GOLGA6L22: variants seen among roughly 807,000 people sequenced by gnomAD.
GOLGA6L22 encodes the protein golgin A6 family like 22, also known as golgin subfamily A member 6-like protein 22.
A neutral mutation model predicts 77.1 loss-of-function variants in GOLGA6L22; 28 were observed. That is an observed-to-expected ratio of 0.36 (90% CI 0.27 to 0.50). The LOEUF (loss-of-function observed/expected upper bound fraction) is 0.50. GOLGA6L22 is among the 20% of genes least tolerant of loss of function. GOLGA6L22 has a pLI of 0.97. For missense variants in GOLGA6L22, 250 were observed against 620.4 expected, an observed-to-expected ratio of 0.40 and a Z score of 6.34; for synonymous variants, 62 against 185.3, an observed-to-expected ratio of 0.33 and a Z score of 5.41.
chr15:22,462,034 G>C (rs1183990089), exon 3 of GOLGA6L22: 9 of 1,457,872 alleles, frequency 6.2e-6, no homozygotes, highest in Non-Finnish European at 8.2e-6. Flanking sequence ...CTTTCTATAG[G>C]AACAGAAGGC....
At position 22,465,866 on chromosome 15, in the gene GOLGA6L22, C is replaced by T. The variant is rs28971741; in HGVS notation, c.1474C>T (p.Gln492Ter). The change falls in exon 8 of 9, where the codon CAG becomes TAG. Residue 492 changes from glutamine to a stop codon, truncating the protein, a stop_gained. Coordinates refer to ENST00000622895, the Ensembl canonical transcript of GOLGA6L22. LOFTEE classifies it high-confidence loss of function. ...GGAGCAGGAGGAGAAGATACGGGAG[C>T]AGGAGGAGATGTGGAGGGAGGAAGA... 5 of 1,390,284 alleles carry T rather than the reference C, an allele frequency of 3.6e-6. 1 individual carries two copies. In the Admixed American group the frequency reaches 9.3e-5, roughly 26 times the overall value. The allele number at this position is 1,390,284 out of a possible 1,614,324, so 86.1% of individuals were successfully genotyped here.
At chr15:22,463,234 T>C (rs1887575290) in intron 5 of GOLGA6L22, among the ~76,000 whole-genome samples, 2 of 149,252 alleles carry the variant, frequency 1.3e-5, no homozygotes, top group African/African-American at 5.0e-5. Context: ...CAAGAAAGGT[T>C]CGAACAGTGG....
intron 5 of GOLGA6L22, 135 bp from the exon 6 acceptor site, chr15:22,463,706 A>G: frequency 1.9e-6 from 1 of 525,534 alleles, no homozygotes; most frequent in Non-Finnish European, 3.3e-6. Context: ...GGGCTTGGAA[A>G]TGCCTTGAGA....
In GOLGA6L22 at chr15:22,463,371, G is replaced by T. The variant is rs1448269394; in HGVS notation, c.433-470G>T. Reference sequence around the variant, plus strand: ...TGAGTTCTTTGAAAAACAAATGAGGGCCAGGTGCTCTCGCTCACGCCTGTA... The same window carrying T: ...TGAGTTCTTTGAAAAACAAATGAGGTCCAGGTGCTCTCGCTCACGCCTGTA... On this transcript the variant is annotated intron_variant, in intron 5 of 8. Coordinates refer to ENST00000622895, the Ensembl canonical transcript of GOLGA6L22. 1.7e-4 allele frequency among the ~76,000 whole-genome samples: 24 copies of T among 142,346 alleles called. No individual in the cohort carries two copies. The East Asian group carries it at 3.7e-3, about 22-fold the overall frequency. 93.4% of individuals were successfully genotyped at this position (142,346 alleles called of 152,430 possible).
chr15:22,464,809 A>T (rs1180956338), intron 7 of GOLGA6L22, among the ~76,000 whole-genome samples: 1 of 122,922 alleles, frequency 8.1e-6, no homozygotes. Context: ...CACCACACCC[A>T]GCTAATTTTT....
chr15:22,460,465 TTAACAC>T, intron 1 of GOLGA6L22, among the ~76,000 whole-genome samples: 1 of 55,348 alleles, frequency 1.8e-5, no homozygotes, highest in Non-Finnish European at 3.0e-5. Flanking sequence ...GGTGTACTTT[TTAACAC>T]TAACAGACGT....
intron 5 of GOLGA6L22, among the ~76,000 whole-genome samples, chr15:22,463,342 C>T (rs1474301725): frequency 2.2e-3 from 298 of 136,302 alleles, no homozygotes; most frequent in Middle Eastern, 4.2e-3. Context: ...CCTTCCACAT[C>T]CACTGAGTTC....
chr15:22,468,958 T>C (rs1335489286), exon 9 of GOLGA6L22: 1 of 128,604 alleles, frequency 7.8e-6, no homozygotes, highest in Non-Finnish European at 1.6e-5. Flanking sequence ...ACCCACCTCC[T>C]TTGAAGATAC....
chr15:22,463,505 GC>G (rs1887586384), intron 5 of GOLGA6L22, among the ~76,000 whole-genome samples: 1 of 133,076 alleles, frequency 7.5e-6, no homozygotes, highest in African/African-American at 3.0e-5. Flanking sequence ...TACAAAATTA[GC>G]CCGGTGTGGT....
At chr15:22,463,204 A>G (rs1407452775) in intron 5 of GOLGA6L22, among the ~76,000 whole-genome samples, 1 of 146,672 alleles carries the variant, frequency 6.8e-6, no homozygotes, top group East Asian at 1.9e-4. Context: ...GATTGTTAGC[A>G]TAGTGCCTGG....
At chr15:22,461,752 A>G (rs1276697211) in intron 2 of GOLGA6L22, among the ~76,000 whole-genome samples, 2 of 102,264 alleles carry the variant, frequency 2.0e-5, no homozygotes, top group African/African-American at 1.2e-4. Flanking sequence ...CAGAAACAAT[A>G]GAACCGAGCT....
At chr15:22,464,565 AAG>A (rs1306081983) in intron 7 of GOLGA6L22, among the ~76,000 whole-genome samples, 194 bp downstream of exon 7, 2 of 132,376 alleles carry the variant, frequency 1.5e-5, no homozygotes, top group Admixed American at 1.5e-4. Context: ...TCAGAATCTC[AAG>A]AGTTAGGGCT....
chr15:22,463,017 T>G (rs1437962097), intron 5 of GOLGA6L22, among the ~76,000 whole-genome samples: 1 of 135,524 alleles, frequency 7.4e-6, no homozygotes, highest in Non-Finnish European at 1.6e-5. Context: ...CCTTCTTAAC[T>G]GTGCCCCTAC....
chr15:22,462,000 C>T lies in GOLGA6L22; in HGVS notation c.181-34C>T, dbSNP rs1392474809. ...TCTCTTGCTGTGGATCTCTGCCTAC[C>T]CCTAGTAAGAGCTCTGTTTTCCTCT... On this transcript the variant is annotated intron_variant, in intron 2 of 8. Coordinates refer to ENST00000622895, the Ensembl canonical transcript of GOLGA6L22. The T allele has an allele frequency of 2.0e-6, 3 of 1,470,034 alleles. 1 individual carries two copies. Among genetic ancestry groups the T allele is most frequent in the Non-Finnish European group, 2.7e-6 (3 of 1,103,072 alleles). The allele number at this position is 1,470,034 out of a possible 1,614,324, so 91.1% of individuals were successfully genotyped here.
At chr15:22,465,898 G>T (rs1410678297) in exon 8 of GOLGA6L22, 1 of 1,267,232 alleles carries the variant, frequency 7.9e-7, no homozygotes, top group East Asian at 3.0e-5. Context: ...AAGAGAAGAT[G>T]CATGAGCAGG....
exon 8 of GOLGA6L22, chr15:22,465,728 G>C (rs1314300280): frequency 4.0e-6 from 5 of 1,257,314 alleles, no homozygotes; most frequent in Non-Finnish European, 5.4e-6. Flanking sequence ...CGACCAGGAG[G>C]AGAAGATACG....
rs1239069075 is a variant in GOLGA6L22 at position 22,463,120 on chromosome 15, C to T, written c.432+652C>T. 5.2e-4 allele frequency among the ~76,000 whole-genome samples: 68 copies of T among 130,340 alleles called. 2 individuals carry two copies. The highest frequency in any genetic ancestry group is 2.2e-3 in the African/African-American group (63 of 28,412). The allele number at this position is 130,340 out of a possible 152,430, so 85.5% of individuals were successfully genotyped here. A position where few individuals can be genotyped will look rare whatever the true frequency, so the allele number is the denominator to read the frequency against. On this transcript the variant is annotated intron_variant, in intron 5 of 8. Coordinates refer to ENST00000622895, the Ensembl canonical transcript of GOLGA6L22. The stretch of plus-strand genomic sequence containing the variant: ...CTTAGGCAGCACTTAACCTTTAATA[C>T]CACATGTTTTTCATCTACACAATAG...
rs1185130132 is a variant in GOLGA6L22 at position 22,466,377 on chromosome 15, A to T, written c.1985A>T (p.Glu662Val). 5 of 1,409,564 alleles carry T rather than the reference A, an allele frequency of 3.5e-6. No individual in the cohort carries two copies. The African/African-American group carries it at 7.0e-5, about 20-fold the overall frequency. 87.3% of individuals were successfully genotyped at this position (1,409,564 alleles called of 1,614,324 possible). A position where few individuals can be genotyped will look rare whatever the true frequency, so the allele number is the denominator to read the frequency against. ...CAGGAACAGGAAGAGAAGATGGGGG[A>T]GCAGGAGGAGAAGATTTGGGAGCAG... Residue 662 changes from glutamate (E) to valine (V), a missense_variant, in exon 8 of 9, where the codon GAG (glutamate) becomes GTG (valine). By Grantham distance (121) the Glu-to-Val change is moderately radical (BLOSUM62 -2). Transcript: ENST00000622895.
exon 8 of GOLGA6L22, chr15:22,465,423 A>T (rs1887656810): frequency 1.2e-5 from 5 of 405,876 alleles, no homozygotes; most frequent in Non-Finnish European, 2.0e-5. Context: ...ATACGCGAGC[A>T]GGAGAAGAGG....
Sources: allele counts gnomAD v4.1 joint callset (sites outside exome capture counted in the v4.1 genomes callset), GRCh38; gene constraint gnomAD v4.1.1; transcripts MANE v1.5; gene names NCBI Gene and HGNC (gene_info 2026-07-23, HGNC 2026-07-21).